The following SENP2 variants were observed in gnomAD, a reference collection of about 807,000 sequenced individuals.
SENP2 encodes SUMO specific peptidase 2.
Under a neutral mutation model 86.3 loss-of-function variants are expected in SENP2, and 16 were observed. The observed-to-expected ratio is 0.19, with a 90% confidence interval of 0.13 to 0.28. The LOEUF (loss-of-function observed/expected upper bound fraction) is 0.28. SENP2 is among the 10% of genes least tolerant of loss of function. SENP2 has a pLI of 1.00. For missense variants in SENP2, 552 were observed against 703.0 expected (o/e 0.79, Z 2.43); for synonymous variants, 222 against 238.7 (o/e 0.93, Z 0.64).
At chr3:185,618,695 G>A (rs961633573) in intron 12 of SENP2, among the ~76,000 whole-genome samples, 3 of 152,048 alleles carry the variant, frequency 2.0e-5, no homozygotes, top group Non-Finnish European at 2.9e-5. Context: ...TGACTAACAC[G>A]GTGAAACCCC....
At chr3:185,621,377 CTTTTTTTTCTTTTTTTTTTT>C (rs1577742042) in intron 13 of SENP2, among the ~76,000 whole-genome samples, 2 of 106,452 alleles carry the variant, frequency 1.9e-5, no homozygotes, top group East Asian at 5.3e-4. Context: ...TATCGTTTTT[CTTTTTTTTCTTTTTTTTTTT>C]TTTTTTTTTT....
At chr3:185,597,062 C>T (rs1350508031) in intron 2 of SENP2, among the ~76,000 whole-genome samples, 3 of 152,076 alleles carry the variant, frequency 2.0e-5, no homozygotes, top group Admixed American at 2.0e-4. Flanking sequence ...CCATGTTTGC[C>T]AGGCTGGTCT....
chr3:185,600,960 T>G lies in SENP2; in HGVS notation c.449+105T>G, dbSNP rs1722324171. 4 of 719,116 alleles carry G rather than the reference T, an allele frequency of 5.6e-6. No individual in the cohort carries two copies. In the East Asian group the frequency reaches 1.1e-4, roughly 20 times the overall value. 44.5% of individuals were successfully genotyped at this position (719,116 alleles called of 1,614,324 possible). A position where few individuals can be genotyped will look rare whatever the true frequency, so the allele number is the denominator to read the frequency against. ...TGTATTATGTAGTCCTGCTAAGCGC[T>G]CTGAGGTTAGTAACTTGCTGAATGT... On this transcript the variant is annotated intron_variant, in intron 5 of 16. Coordinates refer to ENST00000296257, the MANE Select transcript of SENP2 (RefSeq NM_021627.3).
chr3:185,612,407 G>C, intron 8 of SENP2, 200 bp from the exon 9 acceptor site: 1 of 497,528 alleles, frequency 2.0e-6, no homozygotes, highest in South Asian at 3.3e-5. Flanking sequence ...TTATAGTAAA[G>C]ATTATATTTA....
chr3:185,612,409 T>C (rs1298219949), intron 8 of SENP2, 198 bp from the exon 9 acceptor site: 2 of 500,000 alleles, frequency 4.0e-6, no homozygotes, highest in Non-Finnish European at 7.3e-6. Context: ...ATAGTAAAGA[T>C]TATATTTAAA....
chr3:185,586,686 AGCTG>A lies in SENP2; in HGVS notation c.101+174_101+177del, dbSNP rs1444428084. Among the ~76,000 whole-genome samples the A allele has an allele frequency of 6.6e-6, 1 of 152,152 alleles. No individual in the cohort carries two copies. The highest frequency in any genetic ancestry group is 1.5e-5 in the Non-Finnish European group (1 of 68,022). ...GGGAGGCAGCTCCTGATGAAGGAGG[AGCTG>A]GTCGTCTTCGTAGCGGCCGGTGATG... On this transcript the variant is annotated intron_variant, in intron 1 of 16. Transcript: ENST00000296257. This position sits in a 1 kb window ranked among gnomAD's most constrained non-coding sequence, Gnocchi z 4.3.
intron 9 of SENP2, among the ~76,000 whole-genome samples, chr3:185,612,970 T>C (rs1269399200): frequency 6.6e-6 from 1 of 152,274 alleles, no homozygotes; most frequent in Admixed American, 6.5e-5. Flanking sequence ...AAGGCAGCTC[T>C]GCATGCTTTA....
At chr3:185,606,829 C>T (rs1016425224) in intron 6 of SENP2, 4 of 509,232 alleles carry the variant, frequency 7.9e-6, no homozygotes, top group Middle Eastern at 6.2e-4. Flanking sequence ...AGCAGAAAAT[C>T]GTTGTGAAAG....
At chr3:185,596,514 A>T (rs995702205) in intron 2 of SENP2, among the ~76,000 whole-genome samples, 8 of 151,838 alleles carry the variant, frequency 5.3e-5, no homozygotes, top group Admixed American at 3.9e-4. Flanking sequence ...CCAGCTACTC[A>T]GGAGACTGAG....
In SENP2 at chr3:185,609,234, T is replaced by C. The variant is rs1216567459; in HGVS notation, c.619-13T>C. 1.3e-6 allele frequency: 2 copies of C among 1,585,036 alleles called. No homozygotes were observed. The highest frequency in any genetic ancestry group is 8.7e-7 in the Non-Finnish European group (1 of 1,155,070). ...TGTGCTGGTACTTATCTAACATGCTTTCTTTTATTTAGGGTGTTCAAAAAG... is the reference window on the plus strand; with the variant it reads ...TGTGCTGGTACTTATCTAACATGCTCTCTTTTATTTAGGGTGTTCAAAAAG... On this transcript the variant is annotated splice_polypyrimidine_tract_variant and intron_variant, in intron 6 of 16. Transcript: ENST00000296257.
intron 7 of SENP2, among the ~76,000 whole-genome samples, chr3:185,611,343 G>T (rs979371237): frequency 6.6e-6 from 1 of 151,468 alleles, no homozygotes; most frequent in Non-Finnish European, 1.5e-5. Context: ...AGCTTAAAAA[G>T]TTTTTTATCT....
intron 15 of SENP2, 24 bp downstream of exon 15, chr3:185,624,106 G>T: frequency 6.5e-7 from 1 of 1,538,376 alleles, no homozygotes; most frequent in South Asian, 1.1e-5. Context: ...ATCTACATGT[G>T]ACATACTTGG....
intron 14 of SENP2, 147 bp from the exon 15 acceptor site, chr3:185,623,849 AAT>A: frequency 2.3e-5 from 10 of 434,344 alleles, no homozygotes; most frequent in East Asian, 4.1e-5. Context: ...AAAAAAAAAA[AAT>A]CCAGAAAGCA....
At chr3:185,603,259 A>G (rs959389892) in intron 5 of SENP2, among the ~76,000 whole-genome samples, 2 of 152,186 alleles carry the variant, frequency 1.3e-5, no homozygotes, top group African/African-American at 2.4e-5. Flanking sequence ...GAGAAGCACG[A>G]CTGACACCAC....
At chr3:185,611,786 T>C (rs1280042214) in intron 8 of SENP2, 41 bp downstream of exon 8, 2 of 1,344,364 alleles carry the variant, frequency 1.5e-6, no homozygotes, top group South Asian at 2.4e-5. Context: ...ATATTGACCT[T>C]AGTTCATGCT....
chr3:185,596,201 T>A (rs1253417282), intron 2 of SENP2, among the ~76,000 whole-genome samples: 2 of 152,120 alleles, frequency 1.3e-5, no homozygotes, highest in African/African-American at 4.8e-5. Context: ...TGACATCAAG[T>A]GATCTGCCCG....
At chr3:185,599,448 A>G (rs1722274525) in intron 4 of SENP2, among the ~76,000 whole-genome samples, 1 of 152,066 alleles carries the variant, frequency 6.6e-6, no homozygotes, top group African/African-American at 2.4e-5. Flanking sequence ...TGGACTAGGG[A>G]CTTCCATGTC....
chr3:185,593,318 C>T (rs978017928), intron 2 of SENP2, among the ~76,000 whole-genome samples: 2 of 152,118 alleles, frequency 1.3e-5, no homozygotes, highest in African/African-American at 2.4e-5. Context: ...CTATATTGCT[C>T]AGGCTGATCT....
chr3:185,604,716 T>C (rs1722454658), intron 5 of SENP2, among the ~76,000 whole-genome samples: 1 of 152,176 alleles, frequency 6.6e-6, no homozygotes, highest in Non-Finnish European at 1.5e-5. Flanking sequence ...CTTTGATTCA[T>C]GTCCCTTTAA....
Sources: gnomAD v4.1 joint callset for allele counts (sites outside exome capture counted in the v4.1 genomes callset) on GRCh38, gnomAD v4.1.1 for gene constraint, Gnocchi (gnomAD v3.1) non-coding constraint, MANE v1.5 for transcripts, NCBI Gene and HGNC (gene_info 2026-07-23, HGNC 2026-07-21) for gene names.